IDI1: variants seen among roughly 807,000 people sequenced by gnomAD.
IDI1 encodes the protein isopentenyl-diphosphate Delta-isomerase 1.
A neutral mutation model predicts 32.9 loss-of-function variants in IDI1; 23 were observed. That is an observed-to-expected ratio of 0.70 (90% CI 0.50 to 0.99). The LOEUF (loss-of-function observed/expected upper bound fraction) is 0.99, where lower values mean the gene tolerates loss of function less well. Ranked by LOEUF, IDI1 falls within the 50% of genes least tolerant of loss-of-function variation. The pLI is 0.00. For synonymous variants in IDI1, 133 were observed against 128.2 expected, an observed-to-expected ratio of 1.04 and a Z score of -0.25; for missense variants, 326 against 351.9, an observed-to-expected ratio of 0.93 and a Z score of 0.59.
chr10:1,048,627 C>A, intron 1 of IDI1: 1 of 1,407,434 alleles, frequency 7.1e-7, no homozygotes, highest in South Asian at 1.5e-5. Flanking sequence ...ATGGCAACGT[C>A]TCTGACGCCC....
chr10:1,042,766 GA>G lies in IDI1; in HGVS notation c.407-5del, dbSNP rs200666232. On this transcript the variant is annotated splice_region_variant and splice_polypyrimidine_tract_variant and intron_variant, in intron 3 of 4. Coordinates refer to ENST00000381344, the MANE Select transcript of IDI1 (RefSeq NM_004508.4). ...CAACACGTATTCGTAAAACAACCTG[GA>G]AAATGGTAATACAGAGACAGATCAA... 0.015 allele frequency: 24,265 copies of G among 1,613,292 alleles called. 222 individuals are homozygous for G. The highest frequency in any genetic ancestry group is 0.018 in the Non-Finnish European group (20,723 of 1,179,448).
the IDI1 span, among the ~76,000 whole-genome samples, chr10:1,054,318 A>C: frequency 4.6e-5 from 7 of 152,224 alleles, no homozygotes; most frequent in Non-Finnish European, 8.8e-5. Context: ...ACACATATAT[A>C]TAACTTGAGA....
rs982771346 is a variant in IDI1, at chr10:1,041,228, A to C, written c.814T>G (p.Leu272Val). The change falls in exon 5 of 5, where the codon TTG becomes GTG. Residue 272 changes from leucine to valine, a missense_variant. By Grantham distance (32) the Leu-to-Val change is conservative (BLOSUM62 1). Coordinates refer to ENST00000381344, the MANE Select transcript of IDI1 (RefSeq NM_004508.4). Reference protein sequence around the residue: ...LFKWWDNLNHLNQFVDHEKIY... With the variant: ...LFKWWDNLNHVNQFVDHEKIY... The stretch of plus-strand genomic sequence containing the variant: ...TTCTCATGGTCAACAAACTGATTCA[A>C]ATGATTTAAGTTATCCCACCATTTA... 7 of 1,611,670 alleles carry C rather than the reference A, an allele frequency of 4.3e-6. No homozygotes were observed. The highest frequency in any genetic ancestry group is 1.3e-5 in the African/African-American group (1 of 74,786).
rs1016108476 is a variant in IDI1 at position 1,042,701 on chromosome 10, A to G, written c.468T>C (p.Ser156=). ...CTGCTCGCCTCACTCCAAGGGCGTCACTTTCCTCAAGCTCGGCTGGATTGC... is the reference window on the plus strand; with the variant it reads ...CTGCTCGCCTCACTCCAAGGGCGTCGCTTTCCTCAAGCTCGGCTGGATTGC... The part of the protein sequence containing the change: ...PLSNPAELEE[S]DALGVRRAAQ... Residue 156 remains serine, a synonymous_variant, in exon 4 of 5, where the codon AGT becomes AGC. Transcript: ENST00000381344. The G allele has an allele frequency of 3.7e-6, 6 of 1,613,926 alleles. 1 individual carries two copies. The highest frequency in any genetic ancestry group is 2.7e-5 in the African/African-American group (2 of 74,900).
chr10:1,044,323 A>G, intron 1 of IDI1, 152 bp from the exon 2 acceptor site: 1 of 586,754 alleles, frequency 1.7e-6, no homozygotes, highest in Non-Finnish European at 3.0e-6. Flanking sequence ...CCGGCTGCTC[A>G]GCACTATCTG....
chr10:1,042,102 C>T (rs563932985), intron 4 of IDI1, among the ~76,000 whole-genome samples: 11 of 152,172 alleles, frequency 7.2e-5, no homozygotes, highest in Admixed American at 3.3e-4. Context: ...CCACCACGAC[C>T]GGCCCGACAT....
At chr10:1,048,274 A>G (rs1235069721) in intron 1 of IDI1, 1 of 1,304,244 alleles carries the variant, frequency 7.7e-7, no homozygotes, top group Non-Finnish European at 1.0e-6. Flanking sequence ...CATGTAGTAG[A>G]CGCGGGAACA....
Position 1,048,804 on chromosome 10 carries a change from C to T in IDI1, c.140+60G>A, listed in dbSNP as rs915506855. ...CTCGGGCCTCCTCCCCGCCCCGTCC[C>T]GCAGCTCCCCGATGCCGCCCTGCCC... On this transcript the variant is annotated intron_variant, in intron 1 of 4. Transcript: ENST00000381344. 3.2e-6 allele frequency: 5 copies of T among 1,572,396 alleles called. No homozygotes were observed. The African/African-American group carries it at 6.9e-5, about 22-fold the overall frequency.
intron 1 of IDI1, among the ~76,000 whole-genome samples, chr10:1,044,663 G>T (rs11250239): frequency 6.6e-6 from 1 of 152,046 alleles, no homozygotes; most frequent in African/African-American, 2.4e-5. Context: ...GGCACAACTC[G>T]TGCCAGACAT....
chr10:1,049,284 C>G (rs61830998), upstream of IDI1: 4,751 of 488,536 alleles, frequency 9.7e-3, 47 homozygotes, highest in Non-Finnish European at 0.014. Flanking sequence ...CGAACGGTGC[C>G]TAACGTCAGA....
At position 1,041,473 on chromosome 10, in the gene IDI1, C is replaced by T; in HGVS notation, c.569G>A (p.Arg190Gln). Residue 190 changes from arginine to glutamine, a missense_variant, in exon 5 of 5, where the codon CGA becomes CAA. Physicochemically the swap from Arg to Gln is conservative, Grantham distance 43. This residue lies in a region of IDI1 where 205 missense variants were observed against 273.5 expected (regional missense o/e 0.75). Coordinates refer to ENST00000381344, the MANE Select transcript of IDI1 (RefSeq NM_004508.4). ...ATCAGACTGAGCTTTGTAGTGAATT[C>T]GTGTTAAATAATTAATTTCTTCTGG... ...VPPEEINYLT[R>Q]IHYKAQSDGI... 3 of 1,573,464 alleles carry T rather than the reference C, an allele frequency of 1.9e-6. No homozygotes were observed. The highest frequency in any genetic ancestry group is 2.3e-5 in the East Asian group (1 of 44,326).
At chr10:1,051,145 A>G (rs1833001643), upstream of IDI1, among the ~76,000 whole-genome samples, 1 of 152,220 alleles carries the variant, frequency 6.6e-6, no homozygotes, top group African/African-American at 2.4e-5. Context: ...TCATTTGGAA[A>G]ATACTGATTT....
upstream of IDI1, among the ~76,000 whole-genome samples, chr10:1,053,995 A>T (rs1004375307): frequency 1.3e-5 from 2 of 152,166 alleles, no homozygotes; most frequent in Non-Finnish European, 2.9e-5. Context: ...AGAACACATA[A>T]AACATTTATC....
At position 1,042,753 on chromosome 10, in the gene IDI1, G is replaced by A. The variant is rs776111278; in HGVS notation, c.416C>T (p.Thr139Met). ...TAATGGATGACTACAACACGTATTCGTAAAACAACCTGGAAAATGGTAATA... is the reference window on the plus strand; with the variant it reads ...TAATGGATGACTACAACACGTATTCATAAAACAACCTGGAAAATGGTAATA... ...DAKITFPGCF[T>M]NTCCSHPLSN... is the part of the protein sequence containing the mutation. Residue 139 changes from threonine to methionine, a missense_variant, in exon 4 of 5, where the codon ACG (threonine) becomes ATG (methionine). Physicochemically the swap from Thr to Met is moderately conservative, Grantham distance 81 (BLOSUM62 -1). Around this residue, in one of 2 missense-constraint regions of IDI1, gnomAD observed 205 missense variants for 273.5 expected, o/e 0.75. Transcript: ENST00000381344. 2.5e-6 allele frequency: 4 copies of A among 1,613,532 alleles called. No homozygotes were observed. Among genetic ancestry groups the A allele is most frequent in the South Asian group, 1.1e-5 (1 of 91,064 alleles).
intron 4 of IDI1, chr10:1,042,421 C>A: frequency 1.9e-6 from 1 of 515,216 alleles, no homozygotes. Flanking sequence ...CTTAACAGAT[C>A]AATCCATCCC....
chr10:1,040,818 C>T lies in IDI1; in HGVS notation c.*369G>A, dbSNP rs1799573305. The stretch of plus-strand genomic sequence containing the variant: ...AAGCACCTGGCAAATAGCAAGTCCT[C>T]TGCAAGTGCTCCGGAAATGTTTATC... On this transcript the variant is annotated 3_prime_UTR_variant, in exon 5 of 5. Transcript: ENST00000381344. 5.9e-6 allele frequency: 1 copy of T among 170,772 alleles called. No individual in the cohort carries two copies. The highest frequency in any genetic ancestry group is 2.4e-5 in the African/African-American group (1 of 41,544). 10.6% of individuals were successfully genotyped at this position (170,772 alleles called of 1,614,324 possible).
upstream of IDI1, among the ~76,000 whole-genome samples, chr10:1,050,873 A>G (rs993766440): frequency 3.3e-5 from 5 of 152,252 alleles, no homozygotes; most frequent in African/African-American, 1.2e-4. Context: ...TTTCTCATCA[A>G]TGTTACAAAG....
chr10:1,044,663 G>C (rs11250239), intron 1 of IDI1, among the ~76,000 whole-genome samples: 22,398 of 152,120 alleles, frequency 0.15, 1,965 homozygotes, highest in East Asian at 0.19. Flanking sequence ...GGCACAACTC[G>C]TGCCAGACAT....
chr10:1,043,138 C>T (rs866313106), intron 3 of IDI1, among the ~76,000 whole-genome samples, 163 bp downstream of exon 3: 1 of 152,096 alleles, frequency 6.6e-6, no homozygotes, highest in African/African-American at 2.4e-5. Flanking sequence ...TTTTTTCTTG[C>T]TGTTGTATTA....
Sources: allele counts gnomAD v4.1 joint callset (sites outside exome capture counted in the v4.1 genomes callset), GRCh38; gene constraint gnomAD v4.1.1; regional missense constraint gnomAD v4.1.1; transcripts MANE v1.5; gene names NCBI Gene and HGNC (gene_info 2026-07-23, HGNC 2026-07-21).